PELI1: variants seen among roughly 807,000 people sequenced by gnomAD.
PELI1 encodes the protein E3 ubiquitin-protein ligase pellino homolog 1.
A neutral mutation model predicts 41.3 loss-of-function variants in PELI1; 15 were observed. That is an observed-to-expected ratio of 0.36 (90% CI 0.24 to 0.56). PELI1 has a LOEUF of 0.56. PELI1 is among the 20% of genes least tolerant of loss of function. The pLI is 0.82. For missense variants in PELI1, 403 were observed against 525.5 expected (o/e 0.77, Z 2.28); for synonymous variants, 178 against 180.1 (o/e 0.99, Z 0.09).
chr2:64,130,380 T>G (rs1243054072), intron 1 of PELI1, among the ~76,000 whole-genome samples: 4 of 152,204 alleles, frequency 2.6e-5, no homozygotes, highest in Non-Finnish European at 4.4e-5. Context: ...GTTAACGTTA[T>G]CACTATTCAC....
Position 64,094,984 on chromosome 2 carries a change from T to C in PELI1, c.975A>G (p.Glu325=). ...HGYHNWGNKE[E]RDGKDRECPM... Reference sequence around the variant, plus strand: ...GACATTCACGATCTTTTCCATCACGTTCTTCTTTGTTTCCCCAGTTATGAT... The same window carrying C: ...GACATTCACGATCTTTTCCATCACGCTCTTCTTTGTTTCCCCAGTTATGAT... The change falls in exon 7 of 7, where the codon GAA becomes GAG. Residue 325 remains glutamate, a synonymous_variant. Coordinates refer to ENST00000358912, the MANE Select transcript of PELI1 (RefSeq NM_020651.4). 7 of 1,614,182 alleles carry C rather than the reference T, an allele frequency of 4.3e-6. No individual in the cohort carries two copies. Among genetic ancestry groups the C allele is most frequent in the South Asian group, 1.1e-5 (1 of 91,078 alleles).
intron 1 of PELI1, among the ~76,000 whole-genome samples, chr2:64,123,729 C>G (rs61504639): frequency 0.33 from 50,607 of 151,968 alleles, 9,014 homozygotes; most frequent in East Asian, 0.77. Flanking sequence ...TTGGAAAACA[C>G]TCTGGCAGTT....
At chr2:64,143,728 T>C (rs1237422352) in intron 1 of PELI1, among the ~76,000 whole-genome samples, 1 of 152,080 alleles carries the variant, frequency 6.6e-6, no homozygotes, top group Non-Finnish European at 1.5e-5. Flanking sequence ...ACCGCCCCTT[T>C]TGTTTCTCCC....
At chr2:64,125,080 T>TG (rs1576094985) in intron 1 of PELI1, among the ~76,000 whole-genome samples, 1 of 10,090 alleles carries the variant, frequency 9.9e-5, no homozygotes, top group Non-Finnish European at 1.9e-4. Context: ...GCAAGGTATG[T>TG]GGGGGTGGGG....
chr2:64,096,838 T>A (rs910319291), intron 4 of PELI1, among the ~76,000 whole-genome samples: 3 of 152,158 alleles, frequency 2.0e-5, no homozygotes, highest in African/African-American at 7.2e-5. Flanking sequence ...TACAATAATA[T>A]ACGAAACCCT....
intron 2 of PELI1, 65 bp from the exon 3 acceptor site, chr2:64,104,895 TGACTTTGCCTTGCA>T: frequency 7.1e-7 from 1 of 1,404,836 alleles, no homozygotes. Context: ...AACAAATGTT[TGACTTTGCCTTGCA>T]GAATCAATTC....
intron 1 of PELI1, among the ~76,000 whole-genome samples, chr2:64,137,604 A>T (rs567192247): frequency 6.6e-6 from 1 of 152,174 alleles, no homozygotes; most frequent in Non-Finnish European, 1.5e-5. Context: ...ACAATTATCC[A>T]CAACATTATT....
chr2:64,135,309 A>T (rs1681680313), intron 1 of PELI1, among the ~76,000 whole-genome samples: 1 of 152,112 alleles, frequency 6.6e-6, no homozygotes, highest in Admixed American at 6.5e-5. Flanking sequence ...TTATTGAGTT[A>T]AAAAAGTATT....
intron 1 of PELI1, among the ~76,000 whole-genome samples, chr2:64,118,672 G>C (rs1036745729): frequency 3.3e-5 from 5 of 152,102 alleles, no homozygotes; most frequent in Non-Finnish European, 5.9e-5. Flanking sequence ...TATTCAGGTA[G>C]AAATATTACT....
intron 4 of PELI1, among the ~76,000 whole-genome samples, chr2:64,099,329 TA>T (rs145907517): frequency 0.079 from 12,011 of 151,960 alleles, 710 homozygotes; most frequent in African/African-American, 0.17. Flanking sequence ...ATCTTGATTT[TA>T]AAAAAAAGCT....
intron 1 of PELI1, among the ~76,000 whole-genome samples, chr2:64,126,294 G>A (rs1168673008): frequency 3.9e-5 from 6 of 152,132 alleles, no homozygotes; most frequent in Non-Finnish European, 8.8e-5. Context: ...CTCCCAAGTA[G>A]CTGGGACTAC....
At chr2:64,133,685 C>T (rs186261519) in intron 1 of PELI1, among the ~76,000 whole-genome samples, 26 of 152,164 alleles carry the variant, frequency 1.7e-4, no homozygotes, top group African/African-American at 5.1e-4. Flanking sequence ...GGTCCCCTAA[C>T]TTCTGATATA....
chr2:64,099,273 C>T (rs1680345884), intron 4 of PELI1, among the ~76,000 whole-genome samples: 1 of 151,970 alleles, frequency 6.6e-6, no homozygotes, highest in African/African-American at 2.4e-5. Flanking sequence ...TCAAGCTATC[C>T]TCCCACCTCA....
chr2:64,131,159 A>T (rs1318477951), intron 1 of PELI1, among the ~76,000 whole-genome samples: 1 of 152,158 alleles, frequency 6.6e-6, no homozygotes, highest in Non-Finnish European at 1.5e-5. Flanking sequence ...AAGACATTAA[A>T]AAACTAGCTA....
At chr2:64,119,906 A>T (rs923567608) in intron 1 of PELI1, among the ~76,000 whole-genome samples, 1 of 152,202 alleles carries the variant, frequency 6.6e-6, no homozygotes, top group South Asian at 2.1e-4. Flanking sequence ...TTTAAAAAAA[A>T]CACAAAAATC....
At chr2:64,109,909 C>A (rs1214415517) in intron 1 of PELI1, among the ~76,000 whole-genome samples, 1 of 152,070 alleles carries the variant, frequency 6.6e-6, no homozygotes, top group African/African-American at 2.4e-5. Flanking sequence ...ACGTGTGTCA[C>A]TGGACACACA....
chr2:64,144,296 G>C lies in PELI1; in HGVS notation c.-285C>G, dbSNP rs1682034018. On this transcript the variant is annotated 5_prime_UTR_variant, in exon 1 of 7. Transcript: ENST00000358912. ...AGGCGTTGGGGCTGCTTTGTGGTGCGCTCCCGGAGGGCTGGGGACCAATTC... is the reference window on the plus strand; with the variant it reads ...AGGCGTTGGGGCTGCTTTGTGGTGCCCTCCCGGAGGGCTGGGGACCAATTC... 1 of 152,230 alleles carries C rather than the reference G, an allele frequency of 6.6e-6. No homozygotes were observed. The highest frequency in any genetic ancestry group is 2.4e-5 in the African/African-American group (1 of 41,454). The allele number at this position is 152,230 out of a possible 1,614,324, so 9.4% of individuals were successfully genotyped here. A position where few individuals can be genotyped will look rare whatever the true frequency, so the allele number is the denominator to read the frequency against.
chr2:64,123,133 G>A (rs1681277577), intron 1 of PELI1, among the ~76,000 whole-genome samples: 1 of 152,186 alleles, frequency 6.6e-6, no homozygotes, highest in African/African-American at 2.4e-5. Flanking sequence ...ACAGGAGATG[G>A]CCAAGTGTTC....
chr2:64,110,319 G>A (rs74338611), intron 1 of PELI1, among the ~76,000 whole-genome samples: 9,077 of 149,186 alleles, frequency 0.061, 348 homozygotes, highest in African/African-American at 0.11. Flanking sequence ...CATTTATAAC[G>A]ACAATTAGAC....
Sources: allele counts gnomAD v4.1 joint callset (sites outside exome capture counted in the v4.1 genomes callset), GRCh38; gene constraint gnomAD v4.1.1; transcripts MANE v1.5; gene names NCBI Gene and HGNC (gene_info 2026-07-23, HGNC 2026-07-21).